The following SWAP70 variants were observed in gnomAD, a reference collection of about 807,000 sequenced individuals.
The protein encoded by SWAP70 is switching B cell complex subunit SWAP70, also known as switch-associated protein 70.
In SWAP70, 34 loss-of-function variants were observed where a neutral mutation model predicts 80.2. The ratio of observed to expected loss-of-function variants is 0.42; its 90% CI spans 0.32 to 0.56. SWAP70 has a LOEUF of 0.56. Among genes scored for constraint, SWAP70 ranks in the 20% least tolerant of loss-of-function variants. The pLI, the probability that SWAP70 is intolerant of heterozygous loss-of-function variation, is 0.09. For missense variants in SWAP70, 578 were observed against 690.7 expected (o/e 0.84, Z 1.83); for synonymous variants, 239 against 238.5 (o/e 1.00, Z -0.02).
At chr11:9,693,801 T>C (rs1390411900) in intron 1 of SWAP70, among the ~76,000 whole-genome samples, 1 of 152,144 alleles carries the variant, frequency 6.6e-6, no homozygotes, top group African/African-American at 2.4e-5. Context: ...AAGTTTAATT[T>C]TGAACACATT....
intron 1 of SWAP70, among the ~76,000 whole-genome samples, chr11:9,670,879 G>A (rs1267095649): frequency 2.0e-5 from 3 of 151,056 alleles, no homozygotes; most frequent in East Asian, 1.9e-4. Flanking sequence ...TCAGCCTCCC[G>A]AGTAGCTGGG....
chr11:9,671,805 A>C (rs1272422972), intron 1 of SWAP70, among the ~76,000 whole-genome samples: 8 of 92,328 alleles, frequency 8.7e-5, no homozygotes, highest in African/African-American at 3.3e-4. Flanking sequence ...AATATATATA[A>C]ATATAAATAT....
intron 2 of SWAP70, among the ~76,000 whole-genome samples, chr11:9,710,938 C>T (rs923715628): frequency 4.6e-5 from 7 of 151,766 alleles, no homozygotes; most frequent in Non-Finnish European, 1.5e-5. Flanking sequence ...TATGCTTTGG[C>T]CTCCCAAAGT....
chr11:9,709,017 CA>C (rs1850959476), intron 2 of SWAP70, among the ~76,000 whole-genome samples: 1 of 141,506 alleles, frequency 7.1e-6, no homozygotes, highest in African/African-American at 2.4e-5. Flanking sequence ...ATGAGACTCC[CA>C]CCTCAGCCTC....
At chr11:9,675,874 C>T (rs768398826) in intron 1 of SWAP70, among the ~76,000 whole-genome samples, 8 of 152,178 alleles carry the variant, frequency 5.3e-5, no homozygotes, top group Non-Finnish European at 1.2e-4. Context: ...CTGCACCCAT[C>T]CTGTGCACGT....
intron 3 of SWAP70, among the ~76,000 whole-genome samples, chr11:9,723,692 A>G (rs936425072): frequency 2.6e-5 from 4 of 152,150 alleles, no homozygotes; most frequent in Non-Finnish European, 5.9e-5. Flanking sequence ...GGCTTTCCAG[A>G]AAATAAGAGG....
At chr11:9,707,077 A>G (rs184077432) in intron 2 of SWAP70, among the ~76,000 whole-genome samples, 1 of 152,208 alleles carries the variant, frequency 6.6e-6, no homozygotes, top group Non-Finnish European at 1.5e-5. Flanking sequence ...ATTTTGTTTG[A>G]CATTATACCT....
intron 1 of SWAP70, among the ~76,000 whole-genome samples, chr11:9,687,047 G>A (rs1850642056): frequency 6.6e-6 from 1 of 152,238 alleles, no homozygotes; most frequent in Admixed American, 6.5e-5. Context: ...TTGATTACTA[G>A]CAAGATTAAG....
intron 1 of SWAP70, among the ~76,000 whole-genome samples, chr11:9,679,826 G>C (rs749164575): frequency 9.9e-5 from 15 of 151,822 alleles, no homozygotes; most frequent in Non-Finnish European, 2.1e-4. Context: ...CCGCCACCAC[G>C]CCTGGCAAAT....
chr11:9,694,189 A>G lies in SWAP70; in HGVS notation c.143A>G (p.Asp48Gly). ...NLCTVLKVPH[D>G]PVALEEHFRD... ...TGCACGGTGCTGAAGGTTCCTCATGACCCAGTTGCCCTTGAAGAGCACTTC... is the reference window on the plus strand; with the variant it reads ...TGCACGGTGCTGAAGGTTCCTCATGGCCCAGTTGCCCTTGAAGAGCACTTC... Residue 48 changes from aspartate (D) to glycine (G), a missense_variant, in exon 2 of 12, where the codon GAC (aspartate) becomes GGC (glycine). Asp to Gly is a moderately conservative substitution (Grantham distance 94, BLOSUM62 -1). Transcript: ENST00000318950. The G allele has an allele frequency of 6.2e-7, 1 of 1,612,882 alleles. No individual in the cohort carries two copies. The highest frequency in any genetic ancestry group is 1.1e-5 in the South Asian group (1 of 90,926).
intron 2 of SWAP70, among the ~76,000 whole-genome samples, chr11:9,702,517 T>A (rs1850846485): frequency 6.6e-6 from 1 of 151,976 alleles, no homozygotes; most frequent in South Asian, 2.1e-4. Flanking sequence ...TCTCAAGAGA[T>A]CCTCCCACCT....
chr11:9,710,454 T>C (rs1454539242), intron 2 of SWAP70, among the ~76,000 whole-genome samples: 2 of 152,160 alleles, frequency 1.3e-5, no homozygotes, highest in Non-Finnish European at 2.9e-5. Context: ...GAGCTCTTTC[T>C]ACTCCTGGAG....
intron 2 of SWAP70, among the ~76,000 whole-genome samples, chr11:9,705,571 G>T (rs1333632850): frequency 1.6e-5 from 2 of 128,532 alleles, no homozygotes; most frequent in Admixed American, 1.6e-4. Context: ...TGATCTGTAT[G>T]CACTGGTGAT....
chr11:9,728,492 C>T (rs1441135114), intron 5 of SWAP70, among the ~76,000 whole-genome samples: 1 of 151,600 alleles, frequency 6.6e-6, no homozygotes. Context: ...AAAATGGAGT[C>T]ATAAAAGAGA....
intron 2 of SWAP70, among the ~76,000 whole-genome samples, chr11:9,705,544 GATCTGTGTACACTTT>G (rs1850896040): frequency 2.8e-5 from 4 of 143,004 alleles, no homozygotes; most frequent in African/African-American, 8.5e-5. Context: ...ATACACTGGT[GATCTGTGTACACTTT>G]GTGATCTGTA....
chr11:9,671,757 T>TTTCTTTGTATACATAGAAATATAAATATA (rs1565109867), intron 1 of SWAP70, among the ~76,000 whole-genome samples: 1 of 44,878 alleles, frequency 2.2e-5, no homozygotes, highest in Non-Finnish European at 4.6e-5. Flanking sequence ...TATAAATATA[T>TTTCTTTGTATACATAGAAATATAAATATA]AAATATATAA....
In SWAP70 at chr11:9,708,458, G is replaced by A. The variant is rs145956448; in HGVS notation, c.241-5008G>A. On this transcript the variant is annotated intron_variant, in intron 2 of 11. Transcript: ENST00000318950. ...CGTATATATTATTTGGAGACATGTC[G>A]AATAATTCCTTTGCCCATTTTAAAA... is the stretch of plus-strand genomic sequence containing the variant. 2.6e-3 allele frequency among the ~76,000 whole-genome samples: 392 copies of A among 152,202 alleles called. 1 individual carries two copies. Among genetic ancestry groups the A allele is most frequent in the African/African-American group, 8.5e-3 (355 of 41,540 alleles).
At chr11:9,720,302 G>A (rs1202689304) in intron 3 of SWAP70, 1 of 985,304 alleles carries the variant, frequency 1.0e-6, no homozygotes, top group Non-Finnish European at 1.2e-6. Flanking sequence ...GAAGCTGGGT[G>A]CTAATGACAA....
chr11:9,691,322 G>A (rs1850695319), intron 1 of SWAP70, among the ~76,000 whole-genome samples: 1 of 152,136 alleles, frequency 6.6e-6, no homozygotes, highest in Non-Finnish European at 1.5e-5. Context: ...AATGAGTTTG[G>A]GTTGATAGTT....
Sources: gnomAD v4.1 joint callset for allele counts (sites outside exome capture counted in the v4.1 genomes callset) on GRCh38, gnomAD v4.1.1 for gene constraint, MANE v1.5 for transcripts, NCBI Gene and HGNC (gene_info 2026-07-23, HGNC 2026-07-21) for gene names.